Variants in NCAPD3 observed in about 807,000 individuals in gnomAD.
The protein encoded by NCAPD3 is condensin-2 complex subunit D3.
In NCAPD3, 105 loss-of-function variants were observed where a neutral mutation model predicts 182.9. That is an observed-to-expected ratio of 0.57 (90% CI 0.49 to 0.68). The LOEUF (loss-of-function observed/expected upper bound fraction) is 0.68. NCAPD3 is among the 30% of genes least tolerant of loss of function. NCAPD3 has a pLI of 0.00. For synonymous variants in NCAPD3, 815 were observed against 679.9 expected (o/e 1.20, Z -3.09); for missense variants, 1,944 against 1,837.0 (o/e 1.06, Z -1.07).
intron 27 of NCAPD3, among the ~76,000 whole-genome samples, chr11:134,164,454 G>A (rs772008083): frequency 1.3e-5 from 2 of 152,246 alleles, no homozygotes; most frequent in Non-Finnish European, 2.9e-5. Context: ...AAGAGTTAAA[G>A]CCATCAGTAA....
At chr11:134,166,023 TG>T (rs573846838) in intron 27 of NCAPD3, among the ~76,000 whole-genome samples, 5 of 103,246 alleles carry the variant, frequency 4.8e-5, no homozygotes, top group African/African-American at 7.9e-5. Flanking sequence ...GAGATGAGCT[TG>T]GGGGAGGCGC....
chr11:134,191,844 A>G (rs1215435474), intron 16 of NCAPD3, among the ~76,000 whole-genome samples: 1 of 152,196 alleles, frequency 6.6e-6, no homozygotes, highest in East Asian at 1.9e-4. Flanking sequence ...CCAAAGTCTC[A>G]TATACACCTT....
rs977503975 is a variant in NCAPD3 at position 134,223,555 on chromosome 11, T to C, written c.64+308A>G. On this transcript the variant is annotated intron_variant, in intron 1 of 34. Coordinates refer to ENST00000534548, the MANE Select transcript of NCAPD3 (RefSeq NM_015261.3). Reference sequence around the variant, plus strand: ...TGCAATTTAAAACCATCTTAATAGGTAAGAATAGATAGGTGCACGAAGACA... The same window carrying C: ...TGCAATTTAAAACCATCTTAATAGGCAAGAATAGATAGGTGCACGAAGACA... 7 of 691,186 alleles carry C rather than the reference T, an allele frequency of 1.0e-5. No homozygotes were observed. In the African/African-American group the frequency reaches 1.2e-4, roughly 12 times the overall value. 42.8% of individuals were successfully genotyped at this position (691,186 alleles called of 1,614,324 possible). A position where few individuals can be genotyped will look rare whatever the true frequency, so the allele number is the denominator to read the frequency against.
At chr11:134,223,567 G>A (rs957163406) in intron 1 of NCAPD3, 8 of 684,898 alleles carry the variant, frequency 1.2e-5, no homozygotes, top group Non-Finnish European at 2.2e-5. Context: ...AGAATAGATA[G>A]GTGCACGAAG....
chr11:134,180,071 A>C (rs1178069987), intron 20 of NCAPD3, among the ~76,000 whole-genome samples: 1 of 152,040 alleles, frequency 6.6e-6, no homozygotes, highest in Admixed American at 6.5e-5. Context: ...TGACCATAGT[A>C]AGCATCTTTC....
chr11:134,209,586 T>C (rs1414928700), intron 4 of NCAPD3, 109 bp from the exon 5 acceptor site: 3 of 1,029,554 alleles, frequency 2.9e-6, no homozygotes, highest in South Asian at 1.6e-5. Flanking sequence ...CAGGAGCTGA[T>C]GTTGAGGTGA....
chr11:134,206,736 G>C lies in NCAPD3; in HGVS notation c.883-4C>G, dbSNP rs1937622953. 6.3e-7 allele frequency: 1 copy of C among 1,598,308 alleles called. No individual in the cohort carries two copies. The highest frequency in any genetic ancestry group is 1.1e-5 in the South Asian group (1 of 88,566). On this transcript the variant is annotated splice_region_variant and splice_polypyrimidine_tract_variant and intron_variant, in intron 7 of 34. Coordinates refer to ENST00000534548, the MANE Select transcript of NCAPD3 (RefSeq NM_015261.3). ...GATGGAAAACACAACTGATGACCTAGAAGAGAAAAGAAAATTCAATTTAAG... is the reference window on the plus strand; with the variant it reads ...GATGGAAAACACAACTGATGACCTACAAGAGAAAAGAAAATTCAATTTAAG...
intron 27 of NCAPD3, among the ~76,000 whole-genome samples, chr11:134,165,391 G>A (rs552388273): frequency 2.7e-5 from 4 of 149,914 alleles, no homozygotes; most frequent in Non-Finnish European, 5.9e-5. Context: ...CTTCGGGGAA[G>A]GGGCACACTT....
intron 16 of NCAPD3, among the ~76,000 whole-genome samples, chr11:134,188,978 C>T (rs1334856765): frequency 6.6e-6 from 1 of 152,180 alleles, no homozygotes; most frequent in East Asian, 1.9e-4. Flanking sequence ...CCTTCCAGAA[C>T]TGTGAGAAAA....
chr11:134,169,033 A>T lies in NCAPD3; in HGVS notation c.3123T>A (p.Ala1041=), dbSNP rs919936802. The change falls in exon 25 of 35, where the codon GCT becomes GCA. Residue 1041 remains alanine, a synonymous_variant. Transcript: ENST00000534548. ...CAGGGTTCCTCTTCAGTAACAGGTG[A>T]GCCAGGCAAAACTCCCCGAAGCTGC... ...DIASFGEFCL[A]HLLLKRNPVM... is the part of the protein sequence containing the mutation. 1.9e-6 allele frequency: 3 copies of T among 1,614,006 alleles called. No individual in the cohort carries two copies. Among genetic ancestry groups the T allele is most frequent in the Non-Finnish European group, 2.5e-6 (3 of 1,179,926 alleles).
intron 2 of NCAPD3, among the ~76,000 whole-genome samples, chr11:134,219,921 G>A (rs752397340): frequency 1.4e-4 from 21 of 152,034 alleles, no homozygotes; most frequent in South Asian, 4.2e-4. Context: ...CCAGCCTCTC[G>A]AGTAGCTGGG....
At chr11:134,197,972 AG>A (rs1944672124) in intron 13 of NCAPD3, among the ~76,000 whole-genome samples, 1 of 152,190 alleles carries the variant, frequency 6.6e-6, no homozygotes, top group Non-Finnish European at 1.5e-5. Context: ...TAAAGAAAAA[AG>A]ACAAAGAAGT....
At chr11:134,180,663 C>T (rs976676665) in intron 20 of NCAPD3, among the ~76,000 whole-genome samples, 13 of 152,170 alleles carry the variant, frequency 8.5e-5, no homozygotes, top group African/African-American at 3.1e-4. Context: ...CACTGTTCCC[C>T]AGTTCTACTG....
chr11:134,173,637 T>A (rs576573464), intron 24 of NCAPD3: 5 of 152,356 alleles, frequency 3.3e-5, no homozygotes, highest in Admixed American at 1.3e-4. Context: ...GGGACTGCCC[T>A]CCATTCAGAT....
intron 28 of NCAPD3, among the ~76,000 whole-genome samples, chr11:134,160,590 T>C (rs1432258797): frequency 6.6e-6 from 1 of 152,202 alleles, no homozygotes; most frequent in Non-Finnish European, 1.5e-5. Flanking sequence ...TGTGTCTTCT[T>C]CTGAAGATTT....
upstream of NCAPD3, chr11:134,224,495 C>T (rs950579585): frequency 6.5e-6 from 1 of 152,864 alleles, no homozygotes; most frequent in African/African-American, 2.4e-5. Context: ...CAGAGCCTGT[C>T]CCAGCGAGGT....
chr11:134,185,374 T>C lies in NCAPD3; in HGVS notation c.2198A>G (p.Asp733Gly), dbSNP rs1170569943. 3 of 1,613,424 alleles carry C rather than the reference T, an allele frequency of 1.9e-6. No homozygotes were observed. The highest frequency in any genetic ancestry group is 1.7e-6 in the Non-Finnish European group (2 of 1,179,768). ...CCAAGATTGTATTATTCTGCTGTAG[T>C]CCAGCCTGGGTGAGGAGCCAGCAAT... ...SKIAGSSPRL[D>G]YSRIIQSWEK... Residue 733 changes from aspartate (D) to glycine (G), a missense_variant, in exon 17 of 35, where the codon GAC becomes GGC. By Grantham distance (94) the Asp-to-Gly change is moderately conservative. Around this residue, in one of 3 missense-constraint regions of NCAPD3, gnomAD observed 1,803 missense variants for 1,674.6 expected, o/e 1.08. Coordinates refer to ENST00000534548, the MANE Select transcript of NCAPD3 (RefSeq NM_015261.3).
chr11:134,156,366 T>G (rs1306495829), intron 32 of NCAPD3, among the ~76,000 whole-genome samples: 1 of 152,168 alleles, frequency 6.6e-6, no homozygotes, highest in African/African-American at 2.4e-5. Flanking sequence ...TAGCCACTAC[T>G]CCACAGATTT....
At chr11:134,174,305 C>A (rs1944101624) in intron 24 of NCAPD3, among the ~76,000 whole-genome samples, 1 of 148,704 alleles carries the variant, frequency 6.7e-6, no homozygotes, top group South Asian at 2.1e-4. Context: ...ATCACTTGAG[C>A]CCAGGAGGTC....
Sources: gnomAD v4.1 joint callset for allele counts (sites outside exome capture counted in the v4.1 genomes callset) on GRCh38, gnomAD v4.1.1 for gene constraint, gnomAD v4.1.1 regional missense constraint, MANE v1.5 for transcripts, NCBI Gene and HGNC (gene_info 2026-07-23, HGNC 2026-07-21) for gene names.